Variants in SAMD12 observed in about 807,000 individuals in gnomAD.
SAMD12 encodes the protein sterile alpha motif domain containing 12.
In SAMD12, 9 loss-of-function variants were observed where a neutral mutation model predicts 15.0. That is an observed-to-expected ratio of 0.60 (90% CI 0.36 to 1.05). The LOEUF is 1.05. SAMD12 is among the 50% of genes least tolerant of loss of function. The pLI is 0.01. For missense variants in SAMD12, 230 were observed against 234.2 expected, an observed-to-expected ratio of 0.98 and a Z score of 0.12; for synonymous variants, 86 against 90.1, an observed-to-expected ratio of 0.96 and a Z score of 0.25.
intron 2 of SAMD12, among the ~76,000 whole-genome samples, chr8:118,543,749 T>C (rs1021124253): frequency 1.3e-5 from 2 of 151,724 alleles, no homozygotes; most frequent in African/African-American, 4.8e-5. Context: ...TAGATACCCC[T>C]GTCCTTCACC....
chr8:118,530,428 T>A (rs1372296948), intron 2 of SAMD12, among the ~76,000 whole-genome samples: 1 of 152,192 alleles, frequency 6.6e-6, no homozygotes, highest in African/African-American at 2.4e-5. Context: ...TGTCCATGTG[T>A]ACTCAATGTC....
chr8:118,418,315 A>C (rs1362481809), intron 3 of SAMD12, among the ~76,000 whole-genome samples: 1 of 152,164 alleles, frequency 6.6e-6, no homozygotes, highest in Non-Finnish European at 1.5e-5. Flanking sequence ...TTGTAGATTC[A>C]ATTTATTCCC....
chr8:118,406,825 C>T (rs1821151803), intron 3 of SAMD12, among the ~76,000 whole-genome samples: 1 of 151,582 alleles, frequency 6.6e-6, no homozygotes, highest in Non-Finnish European at 1.5e-5. Flanking sequence ...ATAATGTCCT[C>T]GAGGTTCACC....
intron 4 of SAMD12, among the ~76,000 whole-genome samples, chr8:118,316,012 T>A (rs1245118921): frequency 6.6e-6 from 1 of 152,132 alleles, no homozygotes; most frequent in Non-Finnish European, 1.5e-5. Context: ...AAAAATAAAA[T>A]GAATCATACA....
chr8:118,457,218 CTCTCT>C (rs1286534864), intron 2 of SAMD12, among the ~76,000 whole-genome samples: 1 of 107,416 alleles, frequency 9.3e-6, no homozygotes, highest in Non-Finnish European at 2.2e-5. Context: ...CTCTCTCTCT[CTCTCT>C]TTTTTTTTTT....
the SAMD12 span, among the ~76,000 whole-genome samples, chr8:118,162,946 A>C: frequency 3.9e-5 from 6 of 152,206 alleles, no homozygotes; most frequent in Non-Finnish European, 7.3e-5. Context: ...GGGTAAAAAC[A>C]AAAATAAAAT....
At chr8:118,403,559 G>A (rs537336790) in intron 3 of SAMD12, among the ~76,000 whole-genome samples, 1 of 152,212 alleles carries the variant, frequency 6.6e-6, no homozygotes, top group South Asian at 2.1e-4. Flanking sequence ...ATGAAAATGA[G>A]GATTAAATTC....
At chr8:118,543,631 C>CTTTTTTTTTT (rs397978436) in intron 2 of SAMD12, among the ~76,000 whole-genome samples, 4,206 of 116,014 alleles carry the variant, frequency 0.036, 111 homozygotes, top group African/African-American at 0.054. Context: ...TTCTTTCTTT[C>CTTTTTTTTTT]TTTTTTTTTT....
At chr8:118,518,863 C>T (rs1232722282) in intron 2 of SAMD12, among the ~76,000 whole-genome samples, 1 of 152,156 alleles carries the variant, frequency 6.6e-6, no homozygotes, top group Admixed American at 6.5e-5. Context: ...CTCAATTTCC[C>T]CAGCGTCAGG....
intron 2 of SAMD12, among the ~76,000 whole-genome samples, chr8:118,569,149 G>A (rs967764817): frequency 5.3e-5 from 8 of 152,054 alleles, no homozygotes; most frequent in East Asian, 1.9e-4. Flanking sequence ...ATCCAAAATC[G>A]AAATGCTCCA....
At position 118,505,113 on chromosome 8, in the gene SAMD12, C is replaced by T. The variant is rs549227257; in HGVS notation, c.193-65152G>A. 2.6e-5 allele frequency among the ~76,000 whole-genome samples: 4 copies of T among 152,346 alleles called. No homozygotes were observed. In the South Asian group the frequency reaches 8.3e-4, roughly 32 times the overall value. ...CACAGAAAACTTATACAAAGGCATA[C>T]ATGTGCTTCCTCTTTCTGTTTCTGG... On this transcript the variant is annotated intron_variant, in intron 2 of 3. Transcript: ENST00000314727.
downstream of SAMD12, among the ~76,000 whole-genome samples, chr8:118,375,356 T>C (rs1462161068): frequency 1.3e-5 from 2 of 152,184 alleles, no homozygotes; most frequent in African/African-American, 4.8e-5. Context: ...TATACGCATA[T>C]GTAAATTATT....
intron 4 of SAMD12, among the ~76,000 whole-genome samples, chr8:118,322,585 C>T (rs921844792): frequency 3.3e-5 from 5 of 152,136 alleles, no homozygotes; most frequent in African/African-American, 4.8e-5. Flanking sequence ...CTAAAAAGAC[C>T]CTTCTCTCTG....
chr8:118,387,410 T>A (rs760988420), intron 3 of SAMD12, among the ~76,000 whole-genome samples: 3 of 152,104 alleles, frequency 2.0e-5, no homozygotes, highest in Non-Finnish European at 4.4e-5. Flanking sequence ...ATTTGGATAC[T>A]ACTGTTCCTT....
chr8:118,432,016 G>C (rs749142549), intron 3 of SAMD12, among the ~76,000 whole-genome samples: 2 of 152,046 alleles, frequency 1.3e-5, no homozygotes, highest in Non-Finnish European at 2.9e-5. Flanking sequence ...TTCCATGGCT[G>C]TGTTGAGTCT....
intron 2 of SAMD12, among the ~76,000 whole-genome samples, chr8:118,533,968 A>C (rs995953802): frequency 3.3e-5 from 5 of 152,118 alleles, no homozygotes; most frequent in African/African-American, 9.7e-5. Context: ...TTTATGTGTG[A>C]ATTTGATCCT....
intron 3 of SAMD12, among the ~76,000 whole-genome samples, chr8:118,417,231 C>T (rs1397594063): frequency 6.6e-6 from 1 of 151,948 alleles, no homozygotes; most frequent in Non-Finnish European, 1.5e-5. Flanking sequence ...CAGGTGTGCC[C>T]CCCTATGCCA....
chr8:118,549,164 T>G (rs968075568), intron 2 of SAMD12, among the ~76,000 whole-genome samples: 1 of 152,220 alleles, frequency 6.6e-6, no homozygotes, highest in African/African-American at 2.4e-5. Context: ...CTGACAGCTT[T>G]GAAGAGAGCA....
intron 4 of SAMD12, among the ~76,000 whole-genome samples, chr8:118,324,882 A>C (rs72675877): frequency 6.6e-6 from 1 of 152,098 alleles, no homozygotes; most frequent in Admixed American, 6.5e-5. Flanking sequence ...AGTAGTGATC[A>C]TGTATGTCCA....
Sources: gnomAD v4.1 joint callset for allele counts (sites outside exome capture counted in the v4.1 genomes callset) on GRCh38, gnomAD v4.1.1 for gene constraint, MANE v1.5 for transcripts, NCBI Gene and HGNC (gene_info 2026-07-23, HGNC 2026-07-21) for gene names.